Variants in FAT1 observed in about 807,000 individuals in gnomAD.
FAT1 encodes FAT atypical cadherin 1.
Under a neutral mutation model 329.8 loss-of-function variants are expected in FAT1, and 171 were observed. The observed-to-expected ratio is 0.52, with a 90% CI of 0.46 to 0.59. The LOEUF is 0.59. FAT1 is among the 20% of genes least tolerant of loss of function. FAT1 has a pLI of 0.00. For synonymous variants in FAT1, 2,233 were observed against 2,228.6 expected, an observed-to-expected ratio of 1.00 and a Z score of -0.06; for missense variants, 5,672 against 5,774.4, an observed-to-expected ratio of 0.98 and a Z score of 0.57.
At chr4:186,610,614 TTA>T (rs1442268657) in intron 14 of FAT1, among the ~76,000 whole-genome samples, 1 of 134,258 alleles carries the variant, frequency 7.4e-6, no homozygotes, top group African/African-American at 2.7e-5. Context: ...TTTATATAAA[TTA>T]TATAAATATA....
rs1469542106 is a variant in FAT1, at chr4:186,617,074, G to C, written c.9006C>G (p.Thr3002=). Residue 3002 remains threonine, a synonymous_variant, in exon 11 of 27, where the codon ACC becomes ACG. Coordinates refer to ENST00000441802, the MANE Select transcript of FAT1 (RefSeq NM_005245.4). Reference sequence around the variant, plus strand: ...CTTCAACTATCGCTTTTGATGAGAAGGTGCCATCAGTTGCCGTGATAGTAA... The same window carrying C: ...CTTCAACTATCGCTTTTGATGAGAACGTGCCATCAGTTGCCGTGATAGTAA... ...YLLTITATDG[T]FSSKAIVEVK... The C allele has an allele frequency of 6.2e-7, 1 of 1,613,816 alleles. No homozygotes were observed. The highest frequency in any genetic ancestry group is 1.3e-5 in the African/African-American group (1 of 74,912).
At chr4:186,631,449 G>C (rs2126551224) in intron 7 of FAT1, among the ~76,000 whole-genome samples, 1 of 150,874 alleles carries the variant, frequency 6.6e-6, no homozygotes, top group East Asian at 2.0e-4. Context: ...TCACCGTCCA[G>C]GTGACTCCTC....
intron 12 of FAT1, among the ~76,000 whole-genome samples, chr4:186,613,893 T>C (rs1482310026): frequency 6.6e-6 from 1 of 152,216 alleles, no homozygotes; most frequent in East Asian, 1.9e-4. Flanking sequence ...AGCAGAAAGC[T>C]TGAGTTATAT....
chr4:186,618,074 A>C lies in FAT1; in HGVS notation c.8512T>G (p.Ser2838Ala). 7 of 1,614,024 alleles carry C rather than the reference A, an allele frequency of 4.3e-6. No individual in the cohort carries two copies. The highest frequency in any genetic ancestry group is 5.9e-6 in the Non-Finnish European group (7 of 1,179,886). ...TACATAACTTGGCCGTTGGTTCCTG[A>C]GTCAGCATCAGATGCCCTGATCTGA... ...VIQIRASDAD[S>A]GTNGQVMYSL... The change falls in exon 10 of 27, where the codon TCA becomes GCA. Residue 2838 changes from serine to alanine, a missense_variant. Ser to Ala is a moderately conservative substitution (Grantham distance 99). Around this residue, in one of 2 missense-constraint regions of FAT1, gnomAD observed 3,966 missense variants for 3,915.2 expected, o/e 1.01. Coordinates refer to ENST00000441802, the MANE Select transcript of FAT1 (RefSeq NM_005245.4).
At chr4:186,690,203 T>C (rs1337613079) in intron 2 of FAT1, among the ~76,000 whole-genome samples, 1 of 152,232 alleles carries the variant, frequency 6.6e-6, no homozygotes, top group Admixed American at 6.5e-5. Flanking sequence ...TTGTTAGGCA[T>C]GAAGCCGTTA....
intron 2 of FAT1, among the ~76,000 whole-genome samples, chr4:186,680,994 G>A (rs192923844): frequency 9.9e-5 from 15 of 152,156 alleles, no homozygotes; most frequent in African/African-American, 3.6e-4. Flanking sequence ...AAAAATAATC[G>A]GCCTTACCTT....
rs770492294 is a variant in FAT1, at chr4:186,596,780, T to C, written c.12760A>G (p.Ile4254Val). ...CTTGGAATACTCGGGGTGTAGGAAA[T>C]AGGCCGGACAGGCACCTGGGGTGGT... ...DIPPQVPVRP[I>V]SYTPSIPSDS... Residue 4254 changes from isoleucine (I) to valine (V), a missense_variant, in exon 25 of 27, where the codon ATT (isoleucine) becomes GTT (valine). This residue lies in a region of FAT1 where 1,706 missense variants were observed against 1,859.1 expected (regional missense o/e 0.92). Coordinates refer to ENST00000441802, the MANE Select transcript of FAT1 (RefSeq NM_005245.4). This position sits in a 1 kb window ranked among gnomAD's most constrained non-coding sequence, Gnocchi z 4.7. 5.6e-6 allele frequency: 9 copies of C among 1,613,982 alleles called. No homozygotes were observed. Among genetic ancestry groups the C allele is most frequent in the South Asian group, 4.4e-5 (4 of 91,082 alleles).
At chr4:186,650,116 C>G (rs1164371218) in intron 3 of FAT1, among the ~76,000 whole-genome samples, 1 of 152,134 alleles carries the variant, frequency 6.6e-6, no homozygotes, top group Non-Finnish European at 1.5e-5. Flanking sequence ...CAAAGGTGAT[C>G]TGGGATGAAA....
At chr4:186,597,826 T>A (rs1280096) in intron 23 of FAT1, 34 bp from the exon 24 acceptor site, 25 of 1,587,724 alleles carry the variant, frequency 1.6e-5, no homozygotes, top group Non-Finnish European at 2.0e-5. Context: ...ATAAACCTCA[T>A]GATCCTATTG....
chr4:186,704,111 C>A (rs1346206108), intron 2 of FAT1, among the ~76,000 whole-genome samples: 1 of 152,186 alleles, frequency 6.6e-6, no homozygotes, highest in Non-Finnish European at 1.5e-5. Context: ...ACACTACTTA[C>A]TTTCTCTGTA....
rs1316724721 is a variant in FAT1 at position 186,696,992 on chromosome 4, C to T, written c.3265+9571G>A. ...AGGCAGAGATTGAGCCACTGCAACTCGACTCTGGCCTTGGCAACAAAGCAA... is the reference window on the plus strand; with the variant it reads ...AGGCAGAGATTGAGCCACTGCAACTTGACTCTGGCCTTGGCAACAAAGCAA... On this transcript the variant is annotated intron_variant, in intron 2 of 26. Coordinates refer to ENST00000441802, the MANE Select transcript of FAT1 (RefSeq NM_005245.4). 3.3e-5 allele frequency among the ~76,000 whole-genome samples: 5 copies of T among 152,134 alleles called. No individual in the cohort carries two copies. The East Asian group carries it at 5.8e-4, about 18-fold the overall frequency.
rs762517018 is a variant in FAT1 at position 186,709,708 on chromosome 4, G to A, written c.120C>T (p.Asn40=). 29 of 1,613,814 alleles carry A rather than the reference G, an allele frequency of 1.8e-5. No homozygotes were observed. In the African/African-American group the frequency reaches 1.9e-4, roughly 10 times the overall value. The change falls in exon 2 of 27, where the codon AAC becomes AAT. Residue 40 remains asparagine, a synonymous_variant. Transcript: ENST00000441802. ...CTGCAGAGTTCTCCTGCACGGTGAC[G>A]TTGTACTCGAGGTGTGTAAACTGCA... ...TPLQFTHLEY[N]VTVQENSAAK...
At chr4:186,693,414 A>G (rs1482169252) in intron 2 of FAT1, among the ~76,000 whole-genome samples, 5 of 145,374 alleles carry the variant, frequency 3.4e-5, no homozygotes, top group Admixed American at 6.8e-5. Context: ...ACAGTGGAGG[A>G]GTTCTGAGCC....
In FAT1 at chr4:186,709,257, G is replaced by A. The variant is rs767036990; in HGVS notation, c.571C>T (p.Arg191Ter). The A allele has an allele frequency of 1.9e-6, 3 of 1,613,906 alleles. No individual in the cohort carries two copies. The highest frequency in any genetic ancestry group is 2.2e-5 in the East Asian group (1 of 44,876). ...GGGTGAATAGCAAACATATCTGTTC[G>A]ATCTTTAAAACTGTAGTAAAATTCC... ...NGEFYYSFKD[R>*]TDMFAIHPTS... The change falls in exon 2 of 27, where the codon CGA (arginine) becomes TGA (stop). Residue 191 changes from arginine to a stop codon, truncating the protein, a stop_gained. Coordinates refer to ENST00000441802, the MANE Select transcript of FAT1 (RefSeq NM_005245.4). LOFTEE classifies it high-confidence loss of function.
chr4:186,663,790 C>T (rs1560976309), intron 2 of FAT1, among the ~76,000 whole-genome samples, 177 bp from the exon 3 acceptor site: 1 of 152,076 alleles, frequency 6.6e-6, no homozygotes, highest in Non-Finnish European at 1.5e-5. Flanking sequence ...AAAATAGAGA[C>T]AATAATAGTA....
chr4:186,619,749 G>C lies in FAT1; in HGVS notation c.6837C>G (p.Asn2279Lys), dbSNP rs769533200. Reference sequence around the variant, plus strand: ...AAGACTGCTGAGCAAACACAGGAGGGTTATCATTGATGTCGTCTACTATGA... The same window carrying C: ...AAGACTGCTGAGCAAACACAGGAGGCTTATCATTGATGTCGTCTACTATGA... ...VDIIVDDINDNPPVFAQQSYA... is the reference protein window; with the variant it reads ...VDIIVDDINDKPPVFAQQSYA... The change falls in exon 10 of 27, where the codon AAC (asparagine) becomes AAG (lysine). Residue 2279 changes from asparagine (N) to lysine (K), a missense_variant. By Grantham distance (94) the Asn-to-Lys change is moderately conservative. Coordinates refer to ENST00000441802, the MANE Select transcript of FAT1 (RefSeq NM_005245.4). 1.9e-6 allele frequency: 3 copies of C among 1,613,984 alleles called. No homozygotes were observed. The highest frequency in any genetic ancestry group is 2.5e-6 in the Non-Finnish European group (3 of 1,179,890).
chr4:186,711,933 C>A (rs886828399), intron 1 of FAT1, among the ~76,000 whole-genome samples: 4 of 152,122 alleles, frequency 2.6e-5, no homozygotes, highest in African/African-American at 9.7e-5. Context: ...AACAAAAAAA[C>A]AAAACCAGAA....
chr4:186,603,295 G>A lies in FAT1; in HGVS notation c.11231C>T (p.Pro3744Leu), dbSNP rs2126425859. 1 of 1,613,878 alleles carries A rather than the reference G, an allele frequency of 6.2e-7. No individual in the cohort carries two copies. Among genetic ancestry groups the A allele is most frequent in the Non-Finnish European group, 8.5e-7 (1 of 1,179,868 alleles). ...FQKLCAGLDC[P>L]WKFCDEKVSV... ...CACCTTTTCATCGCAGAACTTCCAG[G>A]GGCAGTCCAGTCCCGCGCAGAGTTT... The change falls in exon 19 of 27, where the codon CCC becomes CTC. Residue 3744 changes from proline (P) to leucine (L), a missense_variant. Around this residue, in one of 2 missense-constraint regions of FAT1, gnomAD observed 1,706 missense variants for 1,859.1 expected, o/e 0.92. Coordinates refer to ENST00000441802, the MANE Select transcript of FAT1 (RefSeq NM_005245.4).
rs2126682565 is a variant in FAT1 at position 186,706,689 on chromosome 4, C to A, written c.3139G>T (p.Ala1047Ser). The A allele has an allele frequency of 1.2e-6, 2 of 1,613,992 alleles. No homozygotes were observed. The highest frequency in any genetic ancestry group is 1.7e-6 in the Non-Finnish European group (2 of 1,179,890). Residue 1047 changes from alanine to serine, a missense_variant, in exon 2 of 27, where the codon GCA (alanine) becomes TCA (serine). By Grantham distance (99) the Ala-to-Ser change is moderately conservative. Coordinates refer to ENST00000441802, the MANE Select transcript of FAT1 (RefSeq NM_005245.4). ...GTCATTACCAATGAACCAACAGGTG[C>A]ATCTTCTTTCACTGTCCCCTTTTCC... Reference protein sequence around the residue: ...FVEKGTVKEDAPVGSLVMTVS... With the variant: ...FVEKGTVKEDSPVGSLVMTVS...
Sources: gnomAD v4.1 joint callset for allele counts (sites outside exome capture counted in the v4.1 genomes callset) on GRCh38, gnomAD v4.1.1 for gene constraint, gnomAD v4.1.1 regional missense constraint, Gnocchi (gnomAD v3.1) non-coding constraint, MANE v1.5 for transcripts, NCBI Gene and HGNC (gene_info 2026-07-23, HGNC 2026-07-21) for gene names.